Variants in MYBL2 observed in about 807,000 individuals in gnomAD.
MYBL2 encodes MYB proto-oncogene like 2, also known as myb-related protein B.
In MYBL2, 28 loss-of-function variants were observed where a neutral mutation model predicts 79.9. The ratio of observed to expected loss-of-function variants is 0.35; its 90% CI spans 0.26 to 0.48. The LOEUF (loss-of-function observed/expected upper bound fraction) is 0.48. Among genes scored for constraint, MYBL2 ranks in the 20% least tolerant of loss-of-function variants. The pLI, the probability that MYBL2 is intolerant of heterozygous loss-of-function variation, is 0.99. For missense variants in MYBL2, 735 were observed against 893.9 expected (o/e 0.82, Z 2.27); for synonymous variants, 378 against 361.2 (o/e 1.05, Z -0.53).
At chr20:43,694,315 G>C (rs113053019) in intron 6 of MYBL2, among the ~76,000 whole-genome samples, 1 of 152,046 alleles carries the variant, frequency 6.6e-6, no homozygotes, top group Admixed American at 6.6e-5. Flanking sequence ...CTGGGTGACA[G>C]AGTGAGACTC....
At position 43,711,520 on chromosome 20, in the gene MYBL2, G is replaced by GCCT. The variant is rs1440191476; in HGVS notation, c.1638_1639insCCT (p.Lys546_Glu547insPro). On this transcript the variant is annotated inframe_insertion, in exon 11 of 14. Transcript: ENST00000217026. ...CCCCGCACCTGGAGGAGGACTTGAA[G>GCCT]GAGGTGCTGCGTTCTGAGGCTGGCA... 1 of 1,613,794 alleles carries GCCT rather than the reference G, an allele frequency of 6.2e-7. No homozygotes were observed.
At position 43,702,520 on chromosome 20, in the gene MYBL2, T is replaced by C. The variant is rs775877076; in HGVS notation, c.982T>C (p.Phe328Leu). The C allele has an allele frequency of 2.0e-5, 32 of 1,608,870 alleles. 1 individual carries two copies. The East Asian group carries it at 5.4e-4, about 27-fold the overall frequency. ...TGATGCTTGGTGTGACCTGAGTAAATTTGACCTCCCTGAGGAACCATCTGC... is the reference window on the plus strand; with the variant it reads ...TGATGCTTGGTGTGACCTGAGTAAACTTGACCTCCCTGAGGAACCATCTGC... ...DPDAWCDLSK[F>L]DLPEEPSAED... The change falls in exon 8 of 14, where the codon TTT becomes CTT. Residue 328 changes from phenylalanine to leucine, a missense_variant. Physicochemically the swap from Phe to Leu is conservative, Grantham distance 22. Transcript: ENST00000217026.
intron 9 of MYBL2, among the ~76,000 whole-genome samples, chr20:43,709,218 G>C (rs558029483): frequency 4.9e-4 from 74 of 152,218 alleles, no homozygotes; most frequent in East Asian, 2.3e-3. Flanking sequence ...GTATCTCCAG[G>C]TGACTAAGGT....
intron 5 of MYBL2, 62 bp downstream of exon 5, chr20:43,687,134 G>C: frequency 6.5e-7 from 1 of 1,542,648 alleles, no homozygotes; most frequent in Admixed American, 1.8e-5. Flanking sequence ...GTTTCTGATG[G>C]AGGAGGGTTC....
rs146522822 is a variant in MYBL2 at position 43,677,615 on chromosome 20, C to T, written c.114+3716C>T. Among the ~76,000 whole-genome samples, 1,200 of 151,988 alleles carry T rather than the reference C, an allele frequency of 7.9e-3. 23 individuals carry two copies. The highest frequency in any genetic ancestry group is 0.027 in the African/African-American group (1,113 of 41,506). ...GAAATGGTTGACGGAGATGGCCGCCCGGCCACCCCTACTGGGAAGTGAGGA... is the reference window on the plus strand; with the variant it reads ...GAAATGGTTGACGGAGATGGCCGCCTGGCCACCCCTACTGGGAAGTGAGGA... On this transcript the variant is annotated intron_variant, in intron 2 of 13. Transcript: ENST00000217026.
intron 1 of MYBL2, among the ~76,000 whole-genome samples, chr20:43,668,499 C>T (rs573803864): frequency 5.3e-5 from 8 of 151,912 alleles, no homozygotes; most frequent in African/African-American, 1.9e-4. Context: ...CTTGCCCGGC[C>T]AAACTTCGGT....
intron 2 of MYBL2, among the ~76,000 whole-genome samples, chr20:43,675,432 G>A (rs1284534769): frequency 6.6e-6 from 1 of 151,760 alleles, no homozygotes; most frequent in Non-Finnish European, 1.5e-5. Context: ...TCCTGCCTGA[G>A]CCTCCTGAGT....
In MYBL2 at chr20:43,715,246, C is replaced by T. The variant is rs1356945099; in HGVS notation, c.1937C>T (p.Ala646Val). ...LQAKPEKAAV[A>V]QKPRSHFTTP... ...GCCAAGCCCGAGAAGGCAGCAGTGG[C>T]CCAGAAGCCCCGAAGCCACTTCACG... is the stretch of plus-strand genomic sequence containing the variant. Residue 646 changes from alanine to valine, a missense_variant, in exon 13 of 14, where the codon GCC becomes GTC. Physicochemically the swap from Ala to Val is moderately conservative, Grantham distance 64. Transcript: ENST00000217026. The T allele has an allele frequency of 1.9e-6, 3 of 1,614,238 alleles. No homozygotes were observed.
intron 4 of MYBL2, among the ~76,000 whole-genome samples, chr20:43,685,259 C>T (rs1322195700): frequency 6.6e-6 from 1 of 151,786 alleles, no homozygotes; most frequent in South Asian, 2.1e-4. Context: ...CAGCTCATTG[C>T]AACCTCCTCC....
intron 6 of MYBL2, among the ~76,000 whole-genome samples, chr20:43,695,695 A>T (rs6065643): frequency 0.75 from 114,411 of 151,832 alleles, 44,189 homozygotes; most frequent in Non-Finnish European, 0.83. Flanking sequence ...ACAAAAAAAA[A>T]AAAAAGCTGG....
chr20:43,691,785 C>T lies in MYBL2; in HGVS notation c.501-372C>T, dbSNP rs543190078. On this transcript the variant is annotated intron_variant, in intron 5 of 13. Coordinates refer to ENST00000217026, the MANE Select transcript of MYBL2 (RefSeq NM_002466.4). Reference sequence around the variant, plus strand: ...AACTCCCGATCTCAGGTGATCTGCTCGCCTAGGCCGCCCAGAGTGCTGGGA... The same window carrying T: ...AACTCCCGATCTCAGGTGATCTGCTTGCCTAGGCCGCCCAGAGTGCTGGGA... Among the ~76,000 whole-genome samples, 13 of 151,808 alleles carry T rather than the reference C, an allele frequency of 8.6e-5. No individual in the cohort carries two copies. The East Asian group carries it at 2.1e-3, about 25-fold the overall frequency.
chr20:43,696,204 G>A (rs951357454), intron 6 of MYBL2, among the ~76,000 whole-genome samples: 7 of 151,836 alleles, frequency 4.6e-5, no homozygotes, highest in Admixed American at 1.3e-4. Flanking sequence ...CAACTTTATA[G>A]AATTGGGCAA....
In MYBL2 at chr20:43,715,122, T is replaced by G; in HGVS notation, c.1825-12T>G. On this transcript the variant is annotated splice_polypyrimidine_tract_variant and intron_variant, in intron 12 of 13. Coordinates refer to ENST00000217026, the MANE Select transcript of MYBL2 (RefSeq NM_002466.4). ...GCAAAATGGTGACTCCTTGACTTGGTTTTGGTTTCAGCCGACAACTGCCCC... is the reference window on the plus strand; with the variant it reads ...GCAAAATGGTGACTCCTTGACTTGGGTTTGGTTTCAGCCGACAACTGCCCC... The G allele has an allele frequency of 6.2e-7, 1 of 1,613,628 alleles. No homozygotes were observed. Among genetic ancestry groups the G allele is most frequent in the South Asian group, 1.1e-5 (1 of 91,060 alleles).
intron 1 of MYBL2, among the ~76,000 whole-genome samples, chr20:43,671,328 T>G (rs1163767372): frequency 6.6e-6 from 1 of 151,534 alleles, no homozygotes; most frequent in Non-Finnish European, 1.5e-5. Context: ...GCTAATTTTT[T>G]TGTATTTTTA....
intron 5 of MYBL2, 60 bp downstream of exon 5, chr20:43,687,132 TGGA>T (rs985024415): frequency 6.5e-7 from 1 of 1,545,188 alleles, no homozygotes; most frequent in African/African-American, 1.4e-5. Flanking sequence ...GTGTTTCTGA[TGGA>T]GGAGGGTTCC....
At chr20:43,698,024 C>A in intron 6 of MYBL2, among the ~76,000 whole-genome samples, 1 of 147,718 alleles carries the variant, frequency 6.8e-6, no homozygotes, top group Non-Finnish European at 1.5e-5. Context: ...TAACAAATTA[C>A]CCCTTAATTT....
At chr20:43,686,254 G>A (rs939609292) in intron 4 of MYBL2, among the ~76,000 whole-genome samples, 1 of 152,174 alleles carries the variant, frequency 6.6e-6, no homozygotes, top group Non-Finnish European at 1.5e-5. Context: ...GTGGGGCCTG[G>A]CCTGGCTCTT....
chr20:43,690,494 G>A (rs1352093017), intron 5 of MYBL2, among the ~76,000 whole-genome samples: 1 of 151,946 alleles, frequency 6.6e-6, no homozygotes, highest in East Asian at 1.9e-4. Flanking sequence ...AGAAGCCGTC[G>A]GCAGCATGCC....
At chr20:43,673,660 G>T in intron 1 of MYBL2, 146 bp from the exon 2 acceptor site, 2 of 768,854 alleles carry the variant, frequency 2.6e-6, no homozygotes, top group Non-Finnish European at 4.7e-6. Flanking sequence ...TGAAGCAGAA[G>T]TGCCTATGTC....
Sources: gnomAD v4.1 joint callset for allele counts (sites outside exome capture counted in the v4.1 genomes callset) on GRCh38, gnomAD v4.1.1 for gene constraint, MANE v1.5 for transcripts, NCBI Gene and HGNC (gene_info 2026-07-23, HGNC 2026-07-21) for gene names.